ENPP1: variants seen among roughly 807,000 people sequenced by gnomAD.
ENPP1 encodes ectonucleotide pyrophosphatase/phosphodiesterase family member 1.
A neutral mutation model predicts 122.8 loss-of-function variants in ENPP1; 73 were observed. The observed-to-expected ratio is 0.59, with a 90% confidence interval of 0.49 to 0.72. The LOEUF (loss-of-function observed/expected upper bound fraction) is 0.72. ENPP1 is among the 30% of genes least tolerant of loss of function. ENPP1 has a pLI of 0.00. For synonymous variants in ENPP1, 367 were observed against 391.6 expected (o/e 0.94, Z 0.74); for missense variants, 978 against 1,128.1 (o/e 0.87, Z 1.91).
At chr6:131,832,493 C>T (rs1781626565) in intron 1 of ENPP1, among the ~76,000 whole-genome samples, 1 of 152,314 alleles carries the variant, frequency 6.6e-6, no homozygotes, top group South Asian at 2.1e-4. Flanking sequence ...AGGAGAAAGG[C>T]AAGCATGCTT....
chr6:131,834,570 G>A (rs1029108171), intron 1 of ENPP1, among the ~76,000 whole-genome samples: 87 of 142,602 alleles, frequency 6.1e-4, no homozygotes, highest in Middle Eastern at 3.9e-3. Context: ...TCACTCTGTC[G>A]CCCACGCTGG....
intron 1 of ENPP1, among the ~76,000 whole-genome samples, chr6:131,831,260 A>G (rs916418272): frequency 6.6e-6 from 1 of 151,380 alleles, no homozygotes; most frequent in Non-Finnish European, 1.5e-5. Flanking sequence ...ATACTGTTTG[A>G]GAATAGTTCT....
chr6:131,878,313 T>A (rs1782261766), intron 18 of ENPP1, among the ~76,000 whole-genome samples: 1 of 152,068 alleles, frequency 6.6e-6, no homozygotes, highest in Non-Finnish European at 1.5e-5. Context: ...GGAGGATTGC[T>A]TGAGCCCAGT....
chr6:131,869,738 C>T (rs1323668795), intron 13 of ENPP1, among the ~76,000 whole-genome samples: 1 of 151,624 alleles, frequency 6.6e-6, no homozygotes, highest in Non-Finnish European at 1.5e-5. Flanking sequence ...TGCCTGTAAT[C>T]CCAGCTGCTC....
intron 23 of ENPP1, 128 bp downstream of exon 23, chr6:131,885,191 C>A: frequency 1.2e-6 from 1 of 808,204 alleles, no homozygotes; most frequent in Non-Finnish European, 2.1e-6. Flanking sequence ...ACACTTCTGA[C>A]TACACAGGAA....
Position 131,851,247 on chromosome 6 carries a change from A to C in ENPP1, c.536A>C (p.Asn179Thr). Residue 179 changes from asparagine (N) to threonine (T), a missense_variant, in exon 4 of 25, where the codon AAC (asparagine) becomes ACC (threonine). Asn to Thr is a moderately conservative substitution (Grantham distance 65, BLOSUM62 0). Transcript: ENST00000647893. The part of the protein sequence containing the change: ...DCKDKGDCCI[N>T]YSSVCQGEKS... ...AAGGACAAGGGCGACTGCTGCATCA[A>C]CTACAGTTCTGTGTGTCAAGGTCAG... 1 of 1,614,156 alleles carries C rather than the reference A, an allele frequency of 6.2e-7. No homozygotes were observed. Among genetic ancestry groups the C allele is most frequent in the Non-Finnish European group, 8.5e-7 (1 of 1,179,996 alleles).
At chr6:131,810,579 T>C (rs1422214673) in intron 1 of ENPP1, among the ~76,000 whole-genome samples, 2 of 152,090 alleles carry the variant, frequency 1.3e-5, no homozygotes, top group South Asian at 2.1e-4. Flanking sequence ...AGAATTCCTT[T>C]TGTTTTCAGA....
At chr6:131,880,524 G>A (rs574394171) in intron 20 of ENPP1, among the ~76,000 whole-genome samples, 12 of 151,122 alleles carry the variant, frequency 7.9e-5, no homozygotes, top group Admixed American at 4.0e-4. Flanking sequence ...CCAAGATGGC[G>A]CCACTGTACT....
chr6:131,883,619 C>G (rs975082109), intron 21 of ENPP1, 75 bp from the exon 22 acceptor site: 1 of 805,874 alleles, frequency 1.2e-6, no homozygotes, highest in African/African-American at 1.7e-5. Flanking sequence ...AAAAATGCTC[C>G]CCTAACCATG....
At chr6:131,871,241 T>C (rs977848699) in intron 13 of ENPP1, among the ~76,000 whole-genome samples, 6 of 151,922 alleles carry the variant, frequency 3.9e-5, no homozygotes, top group African/African-American at 7.3e-5. Flanking sequence ...ATATAAAATG[T>C]ATACTCTTAT....
chr6:131,890,627 C>A lies in ENPP1; in HGVS notation c.*116C>A. ...ACTGTCGACCAGAGTTAGAACGGAG[C>A]CCTCGGTGATGCGGACATCTCAGGG... On this transcript the variant is annotated 3_prime_UTR_variant, in exon 25 of 25. Transcript: ENST00000647893. 1.1e-6 allele frequency: 1 copy of A among 916,412 alleles called. No homozygotes were observed. The highest frequency in any genetic ancestry group is 1.8e-6 in the Non-Finnish European group (1 of 567,584). 56.8% of individuals were successfully genotyped at this position (916,412 alleles called of 1,614,324 possible). A position where few individuals can be genotyped will look rare whatever the true frequency, so the allele number is the denominator to read the frequency against.
At chr6:131,827,030 G>T in intron 1 of ENPP1, 3 of 548,456 alleles carry the variant, frequency 5.5e-6, no homozygotes, top group South Asian at 5.3e-5. Flanking sequence ...CTTTGAGGTT[G>T]ACCAGCTGTG....
intron 11 of ENPP1, among the ~76,000 whole-genome samples, chr6:131,866,180 G>A (rs576514383): frequency 6.6e-6 from 1 of 152,232 alleles, no homozygotes; most frequent in South Asian, 2.1e-4. Flanking sequence ...CCTCCTGTCA[G>A]AATCCTTGTG....
intron 24 of ENPP1, 85 bp downstream of exon 24, chr6:131,886,809 T>G: frequency 1.7e-6 from 2 of 1,189,980 alleles, no homozygotes; most frequent in Non-Finnish European, 2.4e-6. Context: ...GACATTACAG[T>G]GAGAGAAAGC....
intron 1 of ENPP1, among the ~76,000 whole-genome samples, chr6:131,832,757 T>A (rs858339): frequency 0.3 from 45,483 of 152,012 alleles, 6,937 homozygotes; most frequent in Middle Eastern, 0.34. Context: ...CTGTCTCTTC[T>A]TGCAGTCTTA....
chr6:131,863,797 TC>T (rs1422265356), intron 9 of ENPP1, among the ~76,000 whole-genome samples: 2 of 150,578 alleles, frequency 1.3e-5, no homozygotes, highest in African/African-American at 4.9e-5. Flanking sequence ...ACGCCTGTAG[TC>T]CCAGCTACTC....
intron 11 of ENPP1, among the ~76,000 whole-genome samples, chr6:131,865,999 A>G (rs569311495): frequency 8.1e-6 from 1 of 123,792 alleles, no homozygotes; most frequent in South Asian, 2.2e-4. Context: ...TGTCTCAAAA[A>G]AAAAAAAAAG....
rs746910104 is a variant in ENPP1 at position 131,858,660 on chromosome 6, C to T, written c.716-8C>T. 23 of 1,573,084 alleles carry T rather than the reference C, an allele frequency of 1.5e-5. No homozygotes were observed. The highest frequency in any genetic ancestry group is 2.2e-5 in the South Asian group (2 of 89,976). On this transcript the variant is annotated splice_polypyrimidine_tract_variant and splice_region_variant and intron_variant, in intron 6 of 24. Coordinates refer to ENST00000647893, the MANE Select transcript of ENPP1 (RefSeq NM_006208.3). ...TTTAATAACAATGTTTATTTTTTTC[C>T]CTTCTAGAAAAATGTGGAACATATA...
chr6:131,861,716 G>C lies in ENPP1; in HGVS notation c.1025+12G>C, dbSNP rs1341818503. Reference sequence around the variant, plus strand: ...AAAATGTATAATGGGTATGTGAAATGAATTTTTTCTAGGATCTGTAATATA... The same window carrying C: ...AAAATGTATAATGGGTATGTGAAATCAATTTTTTCTAGGATCTGTAATATA... On this transcript the variant is annotated intron_variant, in intron 9 of 24. Transcript: ENST00000647893. 1 of 1,420,668 alleles carries C rather than the reference G, an allele frequency of 7.0e-7. No homozygotes were observed. Among genetic ancestry groups the C allele is most frequent in the Non-Finnish European group, 1.0e-6 (1 of 1,003,552 alleles). 88.0% of individuals were successfully genotyped at this position (1,420,668 alleles called of 1,614,324 possible).
Sources: gnomAD v4.1 joint callset for allele counts (sites outside exome capture counted in the v4.1 genomes callset) on GRCh38, gnomAD v4.1.1 for gene constraint, MANE v1.5 for transcripts, NCBI Gene and HGNC (gene_info 2026-07-23, HGNC 2026-07-21) for gene names.